Variants in ZNF410 observed in about 807,000 individuals in gnomAD.
ZNF410 encodes the protein zinc finger protein 410.
Under a neutral mutation model 54.8 loss-of-function variants are expected in ZNF410, and 18 were observed. The observed-to-expected ratio is 0.33, with a 90% CI of 0.23 to 0.49. The LOEUF is 0.49. Ranked by LOEUF, ZNF410 falls within the 20% of genes least tolerant of loss-of-function variation. The pLI is 0.99. For synonymous variants in ZNF410, 191 were observed against 207.3 expected (o/e 0.92, Z 0.68); for missense variants, 405 against 569.6 (o/e 0.71, Z 2.94).
At chr14:73,905,966 C>CACAA (rs2055480646) in intron 7 of ZNF410, among the ~76,000 whole-genome samples, 1 of 66,624 alleles carries the variant, frequency 1.5e-5, no homozygotes, top group African/African-American at 6.1e-5. Flanking sequence ...CACACACACA[C>CACAA]ACATATATAT....
chr14:73,892,273 T>G, intron 2 of ZNF410, 65 bp downstream of exon 2: 1 of 1,556,016 alleles, frequency 6.4e-7, no homozygotes, highest in Admixed American at 2.0e-5. Context: ...ATCTTCAGTT[T>G]AGGGGGTCAG....
intron 11 of ZNF410, among the ~76,000 whole-genome samples, chr14:73,924,270 T>C (rs925724743): frequency 6.6e-6 from 1 of 152,202 alleles, no homozygotes; most frequent in Admixed American, 6.5e-5. Context: ...TTTGCGCTCC[T>C]ATGAGAATCT....
chr14:73,931,358 G>A, intron 11 of ZNF410, 145 bp from the exon 12 acceptor site: 1 of 645,442 alleles, frequency 1.5e-6, no homozygotes, highest in Non-Finnish European at 2.7e-6. Context: ...ATCAGTCCGT[G>A]CATGTGTTTG....
At chr14:73,895,871 G>C (rs1238105786) in intron 3 of ZNF410, among the ~76,000 whole-genome samples, 2 of 152,130 alleles carry the variant, frequency 1.3e-5, no homozygotes, top group Non-Finnish European at 2.9e-5. Flanking sequence ...TAGGTAAAAA[G>C]GTAATGGCAA....
chr14:73,924,845 T>A (rs1369111278), intron 11 of ZNF410: 4 of 328,230 alleles, frequency 1.2e-5, no homozygotes, highest in Non-Finnish European at 2.4e-5. Context: ...CCCAGCTAAT[T>A]TTTTTGTATT....
rs1555353430 is a variant in ZNF410 at position 73,905,968 on chromosome 14, C to CATACAT, written c.913+888_913+889insCATATA. Among the ~76,000 whole-genome samples the CATACAT allele has an allele frequency of 7.7e-3, 608 of 78,896 alleles. 16 individuals carry two copies. The highest frequency in any genetic ancestry group is 0.024 in the African/African-American group (580 of 23,784). The allele number at this position is 78,896 out of a possible 152,430, so 51.8% of individuals were successfully genotyped here. A position where few individuals can be genotyped will look rare whatever the true frequency, so the allele number is the denominator to read the frequency against. On this transcript the variant is annotated intron_variant, in intron 7 of 11. Coordinates refer to ENST00000555044, the MANE Select transcript of ZNF410 (RefSeq NM_021188.3). ...ATACACACACACACACACACACACA[C>CATACAT]ATATATATATATATATATATATATA...
chr14:73,917,693 T>A (rs1339732500), intron 8 of ZNF410, among the ~76,000 whole-genome samples: 5 of 151,994 alleles, frequency 3.3e-5, no homozygotes, highest in Non-Finnish European at 4.4e-5. Flanking sequence ...TGTGGTGGCA[T>A]GTGCCTGTAA....
In ZNF410 at chr14:73,922,158, G is replaced by C. The variant is rs768982714; in HGVS notation, c.1222G>C (p.Glu408Gln). The part of the protein sequence containing the change: ...SMNSQPSLGG[E>Q]SLNLPNTNSI... The stretch of plus-strand genomic sequence containing the variant: ...GAATTCCCAGCCCAGCCTTGGTGGA[G>C]AGTCCTTGAACCTACCAAATACCAA... Residue 408 changes from glutamate to glutamine, a missense_variant, in exon 10 of 12, where the codon GAG (glutamate) becomes CAG (glutamine). Coordinates refer to ENST00000555044, the MANE Select transcript of ZNF410 (RefSeq NM_021188.3). The C allele has an allele frequency of 6.2e-7, 1 of 1,614,112 alleles. No homozygotes were observed. The highest frequency in any genetic ancestry group is 1.7e-5 in the Admixed American group (1 of 60,014).
chr14:73,925,967 G>A (rs981843442), intron 11 of ZNF410, among the ~76,000 whole-genome samples: 1 of 152,212 alleles, frequency 6.6e-6, no homozygotes, highest in Non-Finnish European at 1.5e-5. Flanking sequence ...CTGGGAGGTT[G>A]AGGCTACAGT....
chr14:73,893,792 C>G lies in ZNF410; in HGVS notation c.34-5C>G. 1 of 1,595,706 alleles carries G rather than the reference C, an allele frequency of 6.3e-7. No individual in the cohort carries two copies. The highest frequency in any genetic ancestry group is 8.5e-7 in the Non-Finnish European group (1 of 1,174,912). ...ATTTCTCAGTGTTGTCTTTTCTCCC[C>G]CCAGCTCCTGGTACAGTTTGTTCAG... On this transcript the variant is annotated splice_polypyrimidine_tract_variant and splice_region_variant and intron_variant, in intron 2 of 11. Coordinates refer to ENST00000555044, the MANE Select transcript of ZNF410 (RefSeq NM_021188.3).
In ZNF410 at chr14:73,896,413, G is replaced by A. The variant is rs77921993; in HGVS notation, c.267G>A (p.Thr89=). Residue 89 remains threonine (T), a synonymous_variant, in exon 4 of 12, where the codon ACG becomes ACA. Coordinates refer to ENST00000555044, the MANE Select transcript of ZNF410 (RefSeq NM_021188.3). ...RVNVGPDGEE[T]RAQTVQKSPE... Reference sequence around the variant, plus strand: ...ATGTGGGTCCAGACGGAGAGGAGACGAGAGCTCAGACTGTACAGAAATCCC... The same window carrying A: ...ATGTGGGTCCAGACGGAGAGGAGACAAGAGCTCAGACTGTACAGAAATCCC... 6.8e-6 allele frequency: 11 copies of A among 1,614,178 alleles called. No individual in the cohort carries two copies. The highest frequency in any genetic ancestry group is 1.7e-5 in the Admixed American group (1 of 60,018).
Position 73,917,261 on chromosome 14 carries a change from A to G in ZNF410, c.1004-3719A>G, listed in dbSNP as rs996941453. On this transcript the variant is annotated intron_variant, in intron 8 of 11. Coordinates refer to ENST00000555044, the MANE Select transcript of ZNF410 (RefSeq NM_021188.3). ...TAAGACTTTTGGAGCTGTGGTTCTT[A>G]GAATAATACTATGTTTAAATACCCT... Among the ~76,000 whole-genome samples the G allele has an allele frequency of 8.5e-5, 13 of 152,320 alleles. No individual in the cohort carries two copies. The South Asian group carries it at 1.2e-3, about 15-fold the overall frequency.
intron 8 of ZNF410, among the ~76,000 whole-genome samples, chr14:73,918,824 G>A (rs1253132033): frequency 6.8e-6 from 1 of 146,426 alleles, no homozygotes; most frequent in African/African-American, 2.5e-5. Flanking sequence ...TCAGCGTACC[G>A]AGTAGCTGGG....
At chr14:73,891,576 A>G (rs777835834) in intron 1 of ZNF410, among the ~76,000 whole-genome samples, 8 of 152,142 alleles carry the variant, frequency 5.3e-5, no homozygotes, top group Admixed American at 6.6e-5. Context: ...CTGGTCTCGA[A>G]CTATTGACCT....
intron 5 of ZNF410, among the ~76,000 whole-genome samples, chr14:73,901,761 CA>C (rs902763178): frequency 6.3e-5 from 9 of 142,980 alleles, no homozygotes; most frequent in Admixed American, 7.0e-5. Flanking sequence ...CCCATCTCTA[CA>C]AAAAAAAAAT....
chr14:73,918,199 C>A (rs2055698265), intron 8 of ZNF410, among the ~76,000 whole-genome samples: 1 of 152,094 alleles, frequency 6.6e-6, no homozygotes, highest in Non-Finnish European at 1.5e-5. Context: ...AAACTTCCAC[C>A]TCCTGGGTTC....
rs975487001 is a variant in ZNF410, at chr14:73,923,655, C to G, written c.1398+133C>G. 5 of 1,230,014 alleles carry G rather than the reference C, an allele frequency of 4.1e-6. No homozygotes were observed. The Admixed American group carries it at 1.1e-4, about 28-fold the overall frequency. 76.2% of individuals were successfully genotyped at this position (1,230,014 alleles called of 1,614,324 possible). A position where few individuals can be genotyped will look rare whatever the true frequency, so the allele number is the denominator to read the frequency against. ...CACGAATATTTTCCTTTAAATTAAG[C>G]ATGAGTTCAGCTTGAAAGGAGCCTG... On this transcript the variant is annotated intron_variant, in intron 11 of 11. Transcript: ENST00000555044.
chr14:73,894,341 C>A (rs1322804654), intron 3 of ZNF410: 3 of 702,336 alleles, frequency 4.3e-6, no homozygotes, highest in Non-Finnish European at 7.8e-6. Flanking sequence ...AAAAGGACTC[C>A]ATTATTGACT....
intron 3 of ZNF410, among the ~76,000 whole-genome samples, chr14:73,894,830 G>C (rs1048049701): frequency 2.0e-5 from 3 of 152,156 alleles, no homozygotes; most frequent in African/African-American, 7.2e-5. Context: ...TGAGATATTT[G>C]AGGGTTGCTT....
Sources: allele counts gnomAD v4.1 joint callset (sites outside exome capture counted in the v4.1 genomes callset), GRCh38; gene constraint gnomAD v4.1.1; transcripts MANE v1.5; gene names NCBI Gene and HGNC (gene_info 2026-07-23, HGNC 2026-07-21).